PABPC3: variants seen among roughly 807,000 people sequenced by gnomAD.
PABPC3 encodes the protein poly(A) binding protein cytoplasmic 3.
Under a neutral mutation model 43.0 loss-of-function variants are expected in PABPC3, and 43 were observed. That is an observed-to-expected ratio of 1.00 (90% confidence interval 0.78 to 1.29). The LOEUF (loss-of-function observed/expected upper bound fraction) is 1.29, where lower values mean the gene tolerates loss of function less well. Among genes scored for constraint, PABPC3 ranks in the 50% most tolerant of loss-of-function variants. The pLI, the probability that PABPC3 is intolerant of heterozygous loss-of-function variation, is 0.00. For missense variants in PABPC3, 784 were observed against 798.1 expected (o/e 0.98, Z 0.21); for synonymous variants, 221 against 274.6 (o/e 0.80, Z 1.93).
chr13:25,096,609 C>T lies in PABPC3; in HGVS notation c.411C>T (p.Ser137=). Reference sequence around the variant, plus strand: ...ACGTGGTTTGTGATGAAAATGGTTCCAAGGGTTATGGATTTGTACACTTTG... The same window carrying T: ...ACGTGGTTTGTGATGAAAATGGTTCTAAGGGTTATGGATTTGTACACTTTG... The part of the protein sequence containing the change: ...SCNVVCDENG[S]KGYGFVHFET... The change falls in exon 1 of 1, where the codon TCC becomes TCT. Residue 137 remains serine (S), a synonymous_variant. Transcript: ENST00000281589. 6.2e-7 allele frequency: 1 copy of T among 1,614,218 alleles called. No individual in the cohort carries two copies. Among genetic ancestry groups the T allele is most frequent in the South Asian group, 1.1e-5 (1 of 91,086 alleles).
chr13:25,096,507 TA>T, the PABPC3 span: 1 of 1,614,240 alleles, frequency 6.2e-7, no homozygotes, highest in Non-Finnish European at 8.5e-7. Flanking sequence ...ACATATTCGT[TA>T]AAAATCTGGA....
chr13:25,096,140 G>T lies in PABPC3; in HGVS notation c.-59G>T. 6.6e-7 allele frequency: 1 copy of T among 1,525,096 alleles called. No individual in the cohort carries two copies. The highest frequency in any genetic ancestry group is 8.9e-7 in the Non-Finnish European group (1 of 1,129,558). 94.5% of individuals were successfully genotyped at this position (1,525,096 alleles called of 1,614,324 possible). ...GGCTACGCCCCCGGCCCCGGCACGC[G>T]CTCTACTCCTGTAACGGAAAGGTCG... is the stretch of plus-strand genomic sequence containing the variant. On this transcript the variant is annotated 5_prime_UTR_variant, in exon 1 of 1. Coordinates refer to ENST00000281589, the MANE Select transcript of PABPC3 (RefSeq NM_030979.3).
chr13:25,098,261 G>A lies in PABPC3; in HGVS notation c.*167G>A, dbSNP rs1346703974. ...ACCTTATGTACCGAGCAAATGCAAG[G>A]TCTAGCAAATATAATGCTAGTCCTA... On this transcript the variant is annotated 3_prime_UTR_variant, in exon 1 of 1. Coordinates refer to ENST00000281589, the MANE Select transcript of PABPC3 (RefSeq NM_030979.3). The A allele has an allele frequency of 3.2e-6, 2 of 618,954 alleles. No homozygotes were observed. Among genetic ancestry groups the A allele is most frequent in the Non-Finnish European group, 5.7e-6 (2 of 349,800 alleles). The allele number at this position is 618,954 out of a possible 1,614,324, so 38.3% of individuals were successfully genotyped here.
chr13:25,097,792 G>C lies in PABPC3; in HGVS notation c.1594G>C (p.Val532Leu). 2 of 1,614,128 alleles carry C rather than the reference G, an allele frequency of 1.2e-6. No individual in the cohort carries two copies. The highest frequency in any genetic ancestry group is 1.7e-6 in the Non-Finnish European group (2 of 1,179,998). The change falls in exon 1 of 1, where the codon GTT becomes CTT. Residue 532 changes from valine to leucine, a missense_variant. Coordinates refer to ENST00000281589, the MANE Select transcript of PABPC3 (RefSeq NM_030979.3). ...QPQVTMQQLA[V>L]HVQGQETLTA... The stretch of plus-strand genomic sequence containing the variant: ...ACAAGTTACAATGCAACAGCTTGCT[G>C]TTCATGTACAAGGTCAGGAAACTTT...
chr13:25,097,264 A>G lies in PABPC3; in HGVS notation c.1066A>G (p.Arg356Gly). 1 of 1,614,284 alleles carries G rather than the reference A, an allele frequency of 6.2e-7. No individual in the cohort carries two copies. The highest frequency in any genetic ancestry group is 8.5e-7 in the Non-Finnish European group (1 of 1,180,050). ...ATKAVTEMNG[R>G]IVATKPLYVA... ...TAAAGCAGTTACAGAAATGAACGGT[A>G]GAATTGTGGCCACAAAGCCATTGTA... Residue 356 changes from arginine (R) to glycine (G), a missense_variant, in exon 1 of 1, where the codon AGA becomes GGA. Physicochemically the swap from Arg to Gly is moderately radical, Grantham distance 125. Coordinates refer to ENST00000281589, the MANE Select transcript of PABPC3 (RefSeq NM_030979.3).
chr13:25,097,813 A>G lies in PABPC3; in HGVS notation c.1615A>G (p.Thr539Ala), dbSNP rs770039264. The G allele has an allele frequency of 9.3e-6, 15 of 1,611,020 alleles. No individual in the cohort carries two copies. In the Admixed American group the frequency reaches 1.2e-4, roughly 13 times the overall value. ...QLAVHVQGQE[T>A]LTASRLASAP... ...TGCTGTTCATGTACAAGGTCAGGAA[A>G]CTTTGACTGCCTCCAGGTTGGCATC... The change falls in exon 1 of 1, where the codon ACT (threonine) becomes GCT (alanine). Residue 539 changes from threonine to alanine, a missense_variant. Coordinates refer to ENST00000281589, the MANE Select transcript of PABPC3 (RefSeq NM_030979.3).
Position 25,098,177 on chromosome 13 carries a change from T to G in PABPC3, c.*83T>G. 1 of 1,318,482 alleles carries G rather than the reference T, an allele frequency of 7.6e-7. No individual in the cohort carries two copies. Among genetic ancestry groups the G allele is most frequent in the Non-Finnish European group, 1.1e-6 (1 of 939,906 alleles). The allele number at this position is 1,318,482 out of a possible 1,614,324, so 81.7% of individuals were successfully genotyped here. A position where few individuals can be genotyped will look rare whatever the true frequency, so the allele number is the denominator to read the frequency against. On this transcript the variant is annotated 3_prime_UTR_variant, in exon 1 of 1. Transcript: ENST00000281589. ...ATCGAGAAACTATGGGAAAAAAAAT[T>G]GCAAAATCTAAAATAAAAAATGCAA...
rs1272901206 is a variant in PABPC3 at position 25,096,972 on chromosome 13, A to G, written c.774A>G (p.Gly258=). Residue 258 remains glycine (G), a synonymous_variant, in exon 1 of 1, where the codon GGA becomes GGG. Transcript: ENST00000281589. ...AGATGAATGGAAAGGAGCTCAATGG[A>G]AAACAAATTTACGTTGGTCGAGCTC... ...VDEMNGKELN[G]KQIYVGRAQK... The G allele has an allele frequency of 6.2e-7, 1 of 1,614,276 alleles. No individual in the cohort carries two copies. Among genetic ancestry groups the G allele is most frequent in the Non-Finnish European group, 8.5e-7 (1 of 1,180,038 alleles).
rs756724629 is a variant in PABPC3, at chr13:25,097,123, C to T, written c.925C>T (p.Arg309Cys). The change falls in exon 1 of 1, where the codon CGT becomes TGT. Residue 309 changes from arginine to cysteine, a missense_variant. Coordinates refer to ENST00000281589, the MANE Select transcript of PABPC3 (RefSeq NM_030979.3). ...TCTTGATGATGGTATTGATGATGAA[C>T]GTCTCCGGAAAGCGTTTTCTCCATT... is the stretch of plus-strand genomic sequence containing the variant. ...KNLDDGIDDE[R>C]LRKAFSPFGT... 8.7e-5 allele frequency: 141 copies of T among 1,613,362 alleles called. No individual in the cohort carries two copies. The highest frequency in any genetic ancestry group is 4.7e-4 in the Admixed American group (28 of 59,916).
At position 25,098,275 on chromosome 13, in the gene PABPC3, A is replaced by C; in HGVS notation, c.*181A>C. On this transcript the variant is annotated 3_prime_UTR_variant, in exon 1 of 1. Coordinates refer to ENST00000281589, the MANE Select transcript of PABPC3 (RefSeq NM_030979.3). Reference sequence around the variant, plus strand: ...GCAAATGCAAGGTCTAGCAAATATAATGCTAGTCCTAGATTACTTATTGAT... The same window carrying C: ...GCAAATGCAAGGTCTAGCAAATATACTGCTAGTCCTAGATTACTTATTGAT... 1 of 574,028 alleles carries C rather than the reference A, an allele frequency of 1.7e-6. No homozygotes were observed. The highest frequency in any genetic ancestry group is 3.0e-5 in the East Asian group (1 of 33,730). The allele number at this position is 574,028 out of a possible 1,614,324, so 35.6% of individuals were successfully genotyped here.
At position 25,096,879 on chromosome 13, in the gene PABPC3, T is replaced by A; in HGVS notation, c.681T>A (p.Ser227Arg). 1 of 1,614,274 alleles carries A rather than the reference T, an allele frequency of 6.2e-7. No homozygotes were observed. The highest frequency in any genetic ancestry group is 8.5e-7 in the Non-Finnish European group (1 of 1,180,044). ...GTGTGAAAGTAATGACCGATGAAAGTGGAAAATCCAAAGGATTTGGATTTG... is the reference window on the plus strand; with the variant it reads ...GTGTGAAAGTAATGACCGATGAAAGAGGAAAATCCAAAGGATTTGGATTTG... ...ALSVKVMTDE[S>R]GKSKGFGFVS... Residue 227 changes from serine (S) to arginine (R), a missense_variant, in exon 1 of 1, where the codon AGT becomes AGA. Physicochemically the swap from Ser to Arg is moderately radical, Grantham distance 110. Transcript: ENST00000281589.
In PABPC3 at chr13:25,097,834, G is replaced by A; in HGVS notation, c.1636G>A (p.Ala546Thr). ...GGAAACTTTGACTGCCTCCAGGTTG[G>A]CATCTGCCCCTCCTCAAAAGCAAAA... ...GQETLTASRL[A>T]SAPPQKQKQM... Residue 546 changes from alanine (A) to threonine (T), a missense_variant, in exon 1 of 1, where the codon GCA becomes ACA. Transcript: ENST00000281589. The A allele has an allele frequency of 6.2e-7, 1 of 1,614,002 alleles. No homozygotes were observed. The highest frequency in any genetic ancestry group is 8.5e-7 in the Non-Finnish European group (1 of 1,179,890).
rs181164023 is a variant in PABPC3, at chr13:25,097,343, A to G, written c.1145A>G (p.Tyr382Cys). 6.2e-7 allele frequency: 1 copy of G among 1,614,270 alleles called. No individual in the cohort carries two copies. The highest frequency in any genetic ancestry group is 8.5e-7 in the Non-Finnish European group (1 of 1,180,050). ...EERQAYLTNEYMQRMASVRAV... is the reference protein window; with the variant it reads ...EERQAYLTNECMQRMASVRAV... ...CGCCAGGCTTACCTCACTAACGAGT[A>G]TATGCAGAGAATGGCAAGTGTACGA... The change falls in exon 1 of 1, where the codon TAT becomes TGT. Residue 382 changes from tyrosine to cysteine, a missense_variant. Physicochemically the swap from Tyr to Cys is radical, Grantham distance 194 (BLOSUM62 -2). Transcript: ENST00000281589.
At position 25,097,938 on chromosome 13, in the gene PABPC3, G is replaced by C; in HGVS notation, c.1740G>C (p.Leu580Phe). 6.2e-7 allele frequency: 1 copy of C among 1,613,864 alleles called. No homozygotes were observed. The change falls in exon 1 of 1, where the codon TTG becomes TTC. Residue 580 changes from leucine (L) to phenylalanine (F), a missense_variant. Physicochemically the swap from Leu to Phe is conservative, Grantham distance 22. Transcript: ENST00000281589. ...TTGCTGGGAAAATCACTGGCATGTT[G>C]TTGGAGATTGATAATTCAGAACTTC... ...PTLAGKITGM[L>F]LEIDNSELLY...
In PABPC3 at chr13:25,097,468, C is replaced by G; in HGVS notation, c.1270C>G (p.Arg424Gly). 3.7e-6 allele frequency: 6 copies of G among 1,614,212 alleles called. No individual in the cohort carries two copies. Among genetic ancestry groups the G allele is most frequent in the Non-Finnish European group, 5.1e-6 (6 of 1,180,044 alleles). The change falls in exon 1 of 1, where the codon CGA (arginine) becomes GGA (glycine). Residue 424 changes from arginine (R) to glycine (G), a missense_variant. By Grantham distance (125) the Arg-to-Gly change is moderately radical. Coordinates refer to ENST00000281589, the MANE Select transcript of PABPC3 (RefSeq NM_030979.3). Reference protein sequence around the residue: ...AAYYPPSQIARLRPSPRWTAQ... With the variant: ...AAYYPPSQIAGLRPSPRWTAQ... ...ATACTATCCTCCTAGCCAAATTGCT[C>G]GACTAAGACCAAGTCCTCGCTGGAC...
rs751531828 is a variant in PABPC3, at chr13:25,098,146, C to G, written c.*52C>G. 2.0e-6 allele frequency: 3 copies of G among 1,474,322 alleles called. No individual in the cohort carries two copies. The highest frequency in any genetic ancestry group is 1.4e-5 in the African/African-American group (1 of 70,878). The allele number at this position is 1,474,322 out of a possible 1,614,324, so 91.3% of individuals were successfully genotyped here. ...TTTGTGCTTCACCGAAGAAAAATAT[C>G]TAAACATCGAGAAACTATGGGAAAA... On this transcript the variant is annotated 3_prime_UTR_variant, in exon 1 of 1. Transcript: ENST00000281589.
rs567428230 is a variant in PABPC3 at position 25,098,915 on chromosome 13, T to C, written c.*821T>C. Reference sequence around the variant, plus strand: ...CATTTGGTTTTAGTGTTTCTGGTAGTTGATTTTCTTCAATAATAATTGTAC... The same window carrying C: ...CATTTGGTTTTAGTGTTTCTGGTAGCTGATTTTCTTCAATAATAATTGTAC... On this transcript the variant is annotated 3_prime_UTR_variant, in exon 1 of 1. Transcript: ENST00000281589. The C allele has an allele frequency of 1.8e-5, 3 of 167,028 alleles. No individual in the cohort carries two copies. Among genetic ancestry groups the C allele is most frequent in the Admixed American group, 1.3e-4 (2 of 15,286 alleles). 10.3% of individuals were successfully genotyped at this position (167,028 alleles called of 1,614,324 possible).
Position 25,099,030 on chromosome 13 carries a change from C to T in PABPC3, c.*936C>T, listed in dbSNP as rs1416287069. ...GATATGTTTCATCTACCTCTTCCCA[C>T]CATCCCTCCTCCTCCTCCCAATATA... On this transcript the variant is annotated 3_prime_UTR_variant, in exon 1 of 1. Transcript: ENST00000281589. The T allele has an allele frequency of 1.2e-5, 2 of 166,708 alleles. No homozygotes were observed. Among genetic ancestry groups the T allele is most frequent in the Non-Finnish European group, 2.9e-5 (2 of 68,022 alleles). 10.3% of individuals were successfully genotyped at this position (166,708 alleles called of 1,614,324 possible). A position where few individuals can be genotyped will look rare whatever the true frequency, so the allele number is the denominator to read the frequency against.
Position 25,097,669 on chromosome 13 carries a change from G to C in PABPC3, c.1471G>C (p.Ala491Pro). The change falls in exon 1 of 1, where the codon GCT becomes CCT. Residue 491 changes from alanine (A) to proline (P), a missense_variant. Physicochemically the swap from Ala to Pro is conservative, Grantham distance 27. Coordinates refer to ENST00000281589, the MANE Select transcript of PABPC3 (RefSeq NM_030979.3). ...TQTVGPRPAA[A>P]AAAAATPAVR... Reference sequence around the variant, plus strand: ...GACAGTGGGTCCACGTCCTGCAGCTGCTGCTGCTGCTGCAGCTACCCCTGC... The same window carrying C: ...GACAGTGGGTCCACGTCCTGCAGCTCCTGCTGCTGCTGCAGCTACCCCTGC... The C allele has an allele frequency of 1.2e-6, 2 of 1,601,244 alleles. No individual in the cohort carries two copies. Among genetic ancestry groups the C allele is most frequent in the African/African-American group, 2.8e-5 (2 of 71,014 alleles).
Sources: allele counts gnomAD v4.1 joint callset, GRCh38; gene constraint gnomAD v4.1.1; transcripts MANE v1.5; gene names NCBI Gene and HGNC (gene_info 2026-07-23, HGNC 2026-07-21).